NR6A1: variants seen among roughly 807,000 people sequenced by gnomAD.
The protein encoded by NR6A1 is retinoic acid receptor-related testis-associated receptor.
NR6A1 carries 7 observed loss-of-function variants against 59.1 expected under a neutral mutation model. That is an observed-to-expected ratio of 0.12 (90% CI 0.07 to 0.22). NR6A1 has a LOEUF of 0.22. NR6A1 is among the 10% of genes least tolerant of loss of function. NR6A1 has a pLI of 1.00. For missense variants in NR6A1, 468 were observed against 611.6 expected, an observed-to-expected ratio of 0.77 and a Z score of 2.48; for synonymous variants, 243 against 236.1, an observed-to-expected ratio of 1.03 and a Z score of -0.27.
Position 124,612,080 on chromosome 9 carries a change from G to C in NR6A1, c.143-57510C>G, listed in dbSNP as rs187100378. Among the ~76,000 whole-genome samples the C allele has an allele frequency of 9.2e-5, 14 of 152,346 alleles. No individual in the cohort carries two copies. In the East Asian group the frequency reaches 2.7e-3, roughly 29 times the overall value. On this transcript the variant is annotated intron_variant, in intron 2 of 9. Coordinates refer to ENST00000487099, the MANE Select transcript of NR6A1 (RefSeq NM_033334.4). ...TATCTGGAAGGGTTTCCCAGAGAAA[G>C]TGATAGCTGAGCTGTGCAGCTATAC...
chr9:124,547,644 G>A lies in NR6A1; in HGVS notation c.386-3787C>T, dbSNP rs113374829. 6.1e-3 allele frequency among the ~76,000 whole-genome samples: 927 copies of A among 152,152 alleles called. 2 individuals carry two copies. Among genetic ancestry groups the A allele is most frequent in the Non-Finnish European group, 0.01 (682 of 68,018 alleles). ...TACATCATGTGCTCTTGATATTATG[G>A]TCTAAGAAGGACACAACATCATTTC... On this transcript the variant is annotated intron_variant, in intron 3 of 9. Transcript: ENST00000487099.
intron 7 of NR6A1, among the ~76,000 whole-genome samples, chr9:124,534,852 C>T (rs548340150): frequency 2.0e-5 from 3 of 152,316 alleles, no homozygotes; most frequent in South Asian, 2.1e-4. Context: ...TAGTCTAGAC[C>T]GGGCGCAGTG....
At chr9:124,719,837 C>T (rs1291966020) in intron 2 of NR6A1, among the ~76,000 whole-genome samples, 1 of 151,928 alleles carries the variant, frequency 6.6e-6, no homozygotes, top group Non-Finnish European at 1.5e-5. Context: ...AGAAGAACTG[C>T]TTGAGCCCAG....
chr9:124,641,283 C>T (rs1376523056), intron 2 of NR6A1, among the ~76,000 whole-genome samples: 1 of 150,628 alleles, frequency 6.6e-6, no homozygotes, highest in African/African-American at 2.5e-5. Context: ...TGCTTGAACC[C>T]AGGAGGCAGA....
At position 124,679,497 on chromosome 9, in the gene NR6A1, G is replaced by C. The variant is rs374179505; in HGVS notation, c.142+53811C>G. ...TTATCTTGTCATAAAACCATCCGTA[G>C]GGAGCCAAAGAGGGTACTATTTAAC... On this transcript the variant is annotated intron_variant, in intron 2 of 9. Coordinates refer to ENST00000487099, the MANE Select transcript of NR6A1 (RefSeq NM_033334.4). Among the ~76,000 whole-genome samples, 8 of 152,276 alleles carry C rather than the reference G, an allele frequency of 5.3e-5. No homozygotes were observed. In the East Asian group the frequency reaches 1.5e-3, roughly 29 times the overall value.
At chr9:124,564,692 T>C (rs1268728785) in intron 2 of NR6A1, among the ~76,000 whole-genome samples, 1 of 152,100 alleles carries the variant, frequency 6.6e-6, no homozygotes, top group East Asian at 1.9e-4. Context: ...TGTGTGTGTG[T>C]GTGTGTGTGT....
At chr9:124,534,980 C>T (rs557178714) in intron 7 of NR6A1, among the ~76,000 whole-genome samples, 38 of 152,212 alleles carry the variant, frequency 2.5e-4, no homozygotes, top group African/African-American at 8.7e-4. Context: ...AAAAATTAGC[C>T]GGGCGTGGTG....
At chr9:124,556,353 T>TGAC (rs1260383399) in intron 2 of NR6A1, among the ~76,000 whole-genome samples, 1 of 151,978 alleles carries the variant, frequency 6.6e-6, no homozygotes, top group African/African-American at 2.4e-5. Flanking sequence ...AACCAAGGAA[T>TGAC]GACGGCAGTC....
At chr9:124,594,785 C>A (rs1207231771) in intron 2 of NR6A1, among the ~76,000 whole-genome samples, 1 of 152,224 alleles carries the variant, frequency 6.6e-6, no homozygotes, top group African/African-American at 2.4e-5. Context: ...GGGGGTCCCA[C>A]TTCCCTGGTT....
intron 2 of NR6A1, among the ~76,000 whole-genome samples, chr9:124,648,171 A>G (rs1002232057): frequency 6.6e-6 from 1 of 152,168 alleles, no homozygotes; most frequent in Non-Finnish European, 1.5e-5. Flanking sequence ...CATAAACAGG[A>G]TATGTTACAT....
At chr9:124,696,942 G>A (rs1838784249) in intron 2 of NR6A1, among the ~76,000 whole-genome samples, 1 of 152,212 alleles carries the variant, frequency 6.6e-6, no homozygotes, top group Non-Finnish European at 1.5e-5. Flanking sequence ...ATAGGCGTGA[G>A]CCACCGCACC....
chr9:124,643,595 A>G (rs1446483686), intron 2 of NR6A1, among the ~76,000 whole-genome samples: 1 of 149,554 alleles, frequency 6.7e-6, no homozygotes, highest in Admixed American at 6.7e-5. Flanking sequence ...AGCGAGACCC[A>G]ATCTCAAAAA....
chr9:124,579,251 T>TA (rs1834693076), intron 2 of NR6A1, among the ~76,000 whole-genome samples: 1 of 151,048 alleles, frequency 6.6e-6, no homozygotes, highest in Non-Finnish European at 1.5e-5. Flanking sequence ...ATCCTGTCCC[T>TA]ACAAAAAATT....
Position 124,549,196 on chromosome 9 carries a change from C to T in NR6A1, c.385+5132G>A, listed in dbSNP as rs1415217079. On this transcript the variant is annotated intron_variant, in intron 3 of 9. Coordinates refer to ENST00000487099, the MANE Select transcript of NR6A1 (RefSeq NM_033334.4). ...CTTCTTAGAGGATGTTACAAATAAA[C>T]GCTGAACCTTGAAGTCAGGAGTAGA... 2.6e-5 allele frequency among the ~76,000 whole-genome samples: 4 copies of T among 151,308 alleles called. No individual in the cohort carries two copies. The East Asian group carries it at 7.7e-4, about 29-fold the overall frequency.
intron 2 of NR6A1, among the ~76,000 whole-genome samples, chr9:124,673,536 A>T (rs1487401439): frequency 6.6e-6 from 1 of 152,178 alleles, no homozygotes; most frequent in Non-Finnish European, 1.5e-5. Flanking sequence ...AGTCCTAGCT[A>T]CTTGGGAGGC....
intron 2 of NR6A1, among the ~76,000 whole-genome samples, chr9:124,696,170 A>G (rs1369541535): frequency 6.6e-6 from 1 of 152,226 alleles, no homozygotes; most frequent in Non-Finnish European, 1.5e-5. Context: ...CGCAAAGTCA[A>G]TTAGTCCAAC....
intron 2 of NR6A1, among the ~76,000 whole-genome samples, chr9:124,589,742 A>C (rs986438802): frequency 6.6e-6 from 1 of 152,192 alleles, no homozygotes. Context: ...CTGATACTTA[A>C]TAAGTTATCC....
chr9:124,684,819 A>C (rs1434364124), intron 2 of NR6A1, among the ~76,000 whole-genome samples: 1 of 152,196 alleles, frequency 6.6e-6, no homozygotes, highest in Non-Finnish European at 1.5e-5. Context: ...AACACCACTC[A>C]GTACTGCTTA....
At chr9:124,768,052 A>G (rs1332187715) in intron 1 of NR6A1, among the ~76,000 whole-genome samples, 1 of 152,238 alleles carries the variant, frequency 6.6e-6, no homozygotes, top group Non-Finnish European at 1.5e-5. Flanking sequence ...AGCACAGGGA[A>G]TTCCTGGAAG....
Sources: allele counts gnomAD v4.1 joint callset (sites outside exome capture counted in the v4.1 genomes callset), GRCh38; gene constraint gnomAD v4.1.1; transcripts MANE v1.5; gene names NCBI Gene and HGNC (gene_info 2026-07-23, HGNC 2026-07-21).